The following GRB14 variants were observed in gnomAD, a reference collection of about 807,000 sequenced individuals.
The protein encoded by GRB14 is growth factor receptor-bound protein 14.
GRB14 carries 38 observed loss-of-function variants against 69.1 expected under a neutral mutation model. The observed-to-expected ratio is 0.55, with a 90% CI of 0.42 to 0.72. The LOEUF is 0.72. GRB14 is among the 30% of genes least tolerant of loss of function. The pLI, the probability that GRB14 is intolerant of heterozygous loss-of-function variation, is 0.00. For synonymous variants in GRB14, 247 were observed against 241.3 expected (o/e 1.02, Z -0.22); for missense variants, 666 against 666.1 (o/e 1.00, Z 0.00).
At chr2:164,496,791 A>T (rs1319289372) in intron 12 of GRB14, among the ~76,000 whole-genome samples, 1 of 152,148 alleles carries the variant, frequency 6.6e-6, no homozygotes, top group African/African-American at 2.4e-5. Flanking sequence ...CTATTCCGTT[A>T]TTTGTCCATT....
chr2:164,542,090 AT>A (rs1344785273), intron 3 of GRB14, among the ~76,000 whole-genome samples: 1 of 152,212 alleles, frequency 6.6e-6, no homozygotes, highest in Non-Finnish European at 1.5e-5. Context: ...ATATTGACCA[AT>A]GGAACACAAC....
intron 2 of GRB14, among the ~76,000 whole-genome samples, chr2:164,580,599 G>A (rs1689377872): frequency 6.6e-6 from 1 of 151,892 alleles, no homozygotes; most frequent in African/African-American, 2.4e-5. Flanking sequence ...AATTACTCAG[G>A]AGGCTGAGGC....
At chr2:164,493,786 C>A (rs1293229595) in intron 13 of GRB14, among the ~76,000 whole-genome samples, 2 of 148,564 alleles carry the variant, frequency 1.3e-5, no homozygotes, top group Non-Finnish European at 3.0e-5. Context: ...AAAGGACGCA[C>A]TAGTAATTTA....
intron 8 of GRB14, 122 bp from the exon 9 acceptor site, chr2:164,502,457 G>A: frequency 1.6e-6 from 1 of 614,724 alleles, no homozygotes; most frequent in South Asian, 2.4e-5. Flanking sequence ...AACAAGTAAA[G>A]CAACCAAAAT....
At chr2:164,542,738 A>C (rs1688272082) in intron 3 of GRB14, among the ~76,000 whole-genome samples, 1 of 152,202 alleles carries the variant, frequency 6.6e-6, no homozygotes, top group Non-Finnish European at 1.5e-5. Flanking sequence ...AGTAAAAAAA[A>C]CAGCAGATAT....
chr2:164,507,656 T>C (rs1483908155), intron 8 of GRB14, among the ~76,000 whole-genome samples: 3 of 152,218 alleles, frequency 2.0e-5, no homozygotes, highest in African/African-American at 7.2e-5. Context: ...CTAACTAATG[T>C]GGACGGGCAC....
chr2:164,517,440 T>C (rs192840472), intron 6 of GRB14, among the ~76,000 whole-genome samples: 5 of 151,758 alleles, frequency 3.3e-5, no homozygotes, highest in Admixed American at 2.6e-4. Flanking sequence ...AACAAAAACA[T>C]GATGAAAAAA....
intron 2 of GRB14, 75 bp downstream of exon 2, chr2:164,619,612 T>A: frequency 1.0e-6 from 1 of 978,532 alleles, no homozygotes; most frequent in Non-Finnish European, 1.5e-6. Context: ...ATACTGTAAA[T>A]TACGGAACAC....
chr2:164,561,974 T>C (rs1425982709), intron 2 of GRB14, among the ~76,000 whole-genome samples: 1 of 152,062 alleles, frequency 6.6e-6, no homozygotes, highest in Non-Finnish European at 1.5e-5. Context: ...TGGCAAAAAT[T>C]AAAGAAAAGC....
intron 2 of GRB14, among the ~76,000 whole-genome samples, chr2:164,549,151 G>A (rs1688461661): frequency 6.6e-6 from 1 of 151,938 alleles, no homozygotes. Flanking sequence ...AAGTGCTAGG[G>A]TTACAGGTAT....
At chr2:164,569,912 T>C (rs1447280589) in intron 2 of GRB14, among the ~76,000 whole-genome samples, 1 of 152,108 alleles carries the variant, frequency 6.6e-6, no homozygotes, top group Non-Finnish European at 1.5e-5. Context: ...GGGTTAGCAT[T>C]TGTGAAGTAA....
chr2:164,501,719 T>G (rs1378455034), intron 9 of GRB14, among the ~76,000 whole-genome samples: 1 of 152,010 alleles, frequency 6.6e-6, no homozygotes, highest in East Asian at 1.9e-4. Flanking sequence ...AGTCTGCTTT[T>G]AAAGGACCTG....
intron 2 of GRB14, among the ~76,000 whole-genome samples, chr2:164,563,863 T>G (rs1328096839): frequency 1.3e-5 from 2 of 152,150 alleles, no homozygotes; most frequent in Non-Finnish European, 2.9e-5. Flanking sequence ...AAAGACAACT[T>G]TTGGAAACCA....
intron 6 of GRB14, 81 bp from the exon 7 acceptor site, chr2:164,508,933 G>T: frequency 1.2e-6 from 1 of 863,594 alleles, no homozygotes; most frequent in South Asian, 3.9e-5. Context: ...TTTATACCTT[G>T]GGCAAAAACT....
intron 6 of GRB14, among the ~76,000 whole-genome samples, chr2:164,517,818 A>T (rs1687534907): frequency 6.6e-6 from 1 of 152,184 alleles, no homozygotes; most frequent in Non-Finnish European, 1.5e-5. Context: ...AAAAAATCAC[A>T]ATCCTAAATA....
intron 2 of GRB14, among the ~76,000 whole-genome samples, chr2:164,577,903 T>G (rs945562526): frequency 3.9e-5 from 6 of 152,100 alleles, no homozygotes; most frequent in African/African-American, 1.4e-4. Context: ...TTCTAAAAAA[T>G]TAATTAGTTT....
chr2:164,567,909 G>C (rs991345708), intron 2 of GRB14, among the ~76,000 whole-genome samples: 1 of 152,036 alleles, frequency 6.6e-6, no homozygotes, highest in Non-Finnish European at 1.5e-5. Flanking sequence ...TGAAGAGATT[G>C]ATATATTATG....
At chr2:164,527,180 T>C (rs1392270317) in intron 3 of GRB14, 45 bp from the exon 4 acceptor site, 1 of 6,164 alleles carries the variant, frequency 1.6e-4, no homozygotes. Flanking sequence ...TAGACAAATA[T>C]ATATATATAT....
chr2:164,520,307 A>G (rs1262767057), intron 6 of GRB14, among the ~76,000 whole-genome samples: 2 of 152,184 alleles, frequency 1.3e-5, no homozygotes, highest in Admixed American at 1.3e-4. Flanking sequence ...AGTCACATGT[A>G]GAAGAATGAA....
Sources: allele counts gnomAD v4.1 joint callset (sites outside exome capture counted in the v4.1 genomes callset), GRCh38; gene constraint gnomAD v4.1.1; transcripts MANE v1.5; gene names NCBI Gene and HGNC (gene_info 2026-07-23, HGNC 2026-07-21).